Variants in SF3A3 observed in about 807,000 individuals in gnomAD.
SF3A3 encodes the protein splicing factor 3a subunit 3.
A neutral mutation model predicts 85.8 loss-of-function variants in SF3A3; 9 were observed. The ratio of observed to expected loss-of-function variants is 0.10; its 90% CI spans 0.06 to 0.18. The LOEUF (loss-of-function observed/expected upper bound fraction) is 0.18, where lower values mean the gene tolerates loss of function less well. Ranked by LOEUF, SF3A3 falls within the 10% of genes least tolerant of loss-of-function variation. The pLI is 1.00. For synonymous variants in SF3A3, 195 were observed against 204.4 expected (o/e 0.95, Z 0.39); for missense variants, 306 against 593.3 (o/e 0.52, Z 5.03).
At chr1:37,962,838 C>A (rs1464716961) in intron 15 of SF3A3, among the ~76,000 whole-genome samples, 3 of 150,420 alleles carry the variant, frequency 2.0e-5, no homozygotes, top group Non-Finnish European at 2.9e-5. Flanking sequence ...GTAATCCTAG[C>A]ACTTTGGGAA....
At chr1:37,972,514 A>G (rs1291883498) in intron 12 of SF3A3, among the ~76,000 whole-genome samples, 1 of 152,222 alleles carries the variant, frequency 6.6e-6, no homozygotes, top group Non-Finnish European at 1.5e-5. Flanking sequence ...CAGAATTGGA[A>G]AAAACTACTT....
Position 37,958,196 on chromosome 1 carries a change from C to T in SF3A3, c.1496G>A (p.Gly499Glu). The T allele has an allele frequency of 6.2e-7, 1 of 1,607,592 alleles. No individual in the cohort carries two copies. Among genetic ancestry groups the T allele is most frequent in the Non-Finnish European group, 8.5e-7 (1 of 1,174,024 alleles). The change falls in exon 17 of 17, where the codon GGA becomes GAA. Residue 499 changes from glycine (G) to glutamate (E), a missense_variant. Coordinates refer to ENST00000373019, the MANE Select transcript of SF3A3 (RefSeq NM_006802.4). ...CTACATCCCTGAACACTAGAGCAGT[C>T]CTTGTCTTTTCAGATCCTCGTATGT... ...KKTYEDLKRQ[G>E]LL
In SF3A3 at chr1:37,987,688, C is replaced by G. The variant is rs1646466162; in HGVS notation, c.198-10G>C. ...CTCCTCCTTTCGTAATCTGCAATTTCAGGAAAATTTCAAAGAAGATAGAGC... is the reference window on the plus strand; with the variant it reads ...CTCCTCCTTTCGTAATCTGCAATTTGAGGAAAATTTCAAAGAAGATAGAGC... On this transcript the variant is annotated splice_polypyrimidine_tract_variant and intron_variant, in intron 3 of 16. Coordinates refer to ENST00000373019, the MANE Select transcript of SF3A3 (RefSeq NM_006802.4). The G allele has an allele frequency of 2.5e-6, 4 of 1,613,090 alleles. No individual in the cohort carries two copies. The highest frequency in any genetic ancestry group is 1.3e-5 in the African/African-American group (1 of 74,894).
chr1:37,963,307 C>A (rs1646274732), intron 15 of SF3A3, among the ~76,000 whole-genome samples: 2 of 152,206 alleles, frequency 1.3e-5, no homozygotes, highest in South Asian at 4.1e-4. Context: ...GAGCAAGACC[C>A]TGTCTCAGAA....
At chr1:37,977,039 C>T in intron 11 of SF3A3, 86 bp from the exon 12 acceptor site, 1 of 904,442 alleles carries the variant, frequency 1.1e-6, no homozygotes, top group Non-Finnish European at 1.8e-6. Flanking sequence ...TATTGCACAA[C>T]TGCATTAAAA....
intron 15 of SF3A3, among the ~76,000 whole-genome samples, chr1:37,965,297 C>T (rs897479163): frequency 9.0e-5 from 8 of 88,400 alleles, no homozygotes; most frequent in Admixed American, 1.6e-4. Flanking sequence ...GAAACCCCAT[C>T]GGCACAAAAA....
rs186233727 is a variant in SF3A3 at position 37,977,033 on chromosome 1, G to T, written c.936-80C>A. ...TTCCCTATATCTGGGAACATTTATT[G>T]CACAACTGCATTAAAAATTATAAGC... On this transcript the variant is annotated intron_variant, in intron 11 of 16. Transcript: ENST00000373019. 1.8e-3 allele frequency: 1,697 copies of T among 927,516 alleles called. 3 individuals carry two copies. The highest frequency in any genetic ancestry group is 2.5e-3 in the Non-Finnish European group (1,415 of 564,710). 57.5% of individuals were successfully genotyped at this position (927,516 alleles called of 1,614,324 possible). A position where few individuals can be genotyped will look rare whatever the true frequency, so the allele number is the denominator to read the frequency against.
rs572861927 is a variant in SF3A3 at position 37,959,816 on chromosome 1, G to C, written c.1428+304C>G. 2.6e-5 allele frequency among the ~76,000 whole-genome samples: 4 copies of C among 152,084 alleles called. No homozygotes were observed. The South Asian group carries it at 8.3e-4, about 32-fold the overall frequency. ...CTACTAAAAATACAAAAATTAGTCGGGTGTGGTGGCGGGCGCCTGTAATCT... is the reference window on the plus strand; with the variant it reads ...CTACTAAAAATACAAAAATTAGTCGCGTGTGGTGGCGGGCGCCTGTAATCT... On this transcript the variant is annotated intron_variant, in intron 16 of 16. Transcript: ENST00000373019.
At chr1:37,971,963 T>C (rs1206897903) in intron 12 of SF3A3, among the ~76,000 whole-genome samples, 2 of 152,174 alleles carry the variant, frequency 1.3e-5, no homozygotes, top group Non-Finnish European at 2.9e-5. Flanking sequence ...GGGATGCCCT[T>C]TCTCACCACT....
intron 15 of SF3A3, among the ~76,000 whole-genome samples, chr1:37,963,872 TAAAAAAA>T (rs771447218): frequency 6.1e-5 from 5 of 81,832 alleles, no homozygotes; most frequent in Admixed American, 2.8e-4. Context: ...ATGATATTCT[TAAAAAAA>T]AAAAAAAAAA....
At chr1:37,967,521 C>T (rs1379050499) in intron 15 of SF3A3, among the ~76,000 whole-genome samples, 6 of 150,792 alleles carry the variant, frequency 4.0e-5, no homozygotes, top group Non-Finnish European at 8.9e-5. Context: ...CTACTAAAAA[C>T]ACAAAAAATT....
At chr1:37,964,307 G>A (rs753349992) in intron 15 of SF3A3, among the ~76,000 whole-genome samples, 3 of 152,106 alleles carry the variant, frequency 2.0e-5, no homozygotes, top group Admixed American at 6.5e-5. Flanking sequence ...GCAGTAAGGC[G>A]TTGTGGAAAG....
chr1:37,962,780 TAA>T (rs5773608), intron 15 of SF3A3, among the ~76,000 whole-genome samples: 14,706 of 143,502 alleles, frequency 0.1, 816 homozygotes, highest in Middle Eastern at 0.26. Flanking sequence ...CCCTCTAAGT[TAA>T]AAAAAAAAAA....
At chr1:37,966,118 G>A (rs1057489216) in intron 15 of SF3A3, among the ~76,000 whole-genome samples, 5 of 151,798 alleles carry the variant, frequency 3.3e-5, no homozygotes, top group African/African-American at 7.3e-5. Context: ...CAGGAGAATC[G>A]CTTGGAACCA....
At chr1:37,965,081 C>T (rs1251043306) in intron 15 of SF3A3, among the ~76,000 whole-genome samples, 1 of 151,884 alleles carries the variant, frequency 6.6e-6, no homozygotes, top group Non-Finnish European at 1.5e-5. Flanking sequence ...TTGCTTGAAC[C>T]CAGGAGGCGA....
At chr1:37,976,344 G>A (rs535442364) in intron 12 of SF3A3, among the ~76,000 whole-genome samples, 3 of 152,114 alleles carry the variant, frequency 2.0e-5, no homozygotes. Context: ...TACTGGTCAG[G>A]CTAGGCCTTT....
chr1:37,972,626 T>C (rs189918868), intron 12 of SF3A3, among the ~76,000 whole-genome samples: 79 of 152,256 alleles, frequency 5.2e-4, no homozygotes, highest in African/African-American at 1.8e-3. Context: ...CAAACTATAC[T>C]ACAAGGCTAC....
intron 6 of SF3A3, among the ~76,000 whole-genome samples, chr1:37,983,256 TA>T (rs71057113): frequency 0.025 from 3,093 of 121,436 alleles, 92 homozygotes; most frequent in African/African-American, 0.084. Context: ...GGTATTTATT[TA>T]AAAAAAAAAA....
chr1:37,989,312 A>AG (rs201307446), intron 2 of SF3A3, among the ~76,000 whole-genome samples: 4,334 of 139,984 alleles, frequency 0.031, 128 homozygotes, highest in Admixed American at 0.094. Flanking sequence ...AAGAAGAAGA[A>AG]AAAAAAAAAG....
Sources: allele counts gnomAD v4.1 joint callset (sites outside exome capture counted in the v4.1 genomes callset), GRCh38; gene constraint gnomAD v4.1.1; transcripts MANE v1.5; gene names NCBI Gene and HGNC (gene_info 2026-07-23, HGNC 2026-07-21).